Variants in AGT observed in about 807,000 individuals in gnomAD.
AGT encodes the protein alpha-1 antiproteinase, antitrypsin.
Under a neutral mutation model 28.1 loss-of-function variants are expected in AGT, and 26 were observed. That is an observed-to-expected ratio of 0.92 (90% CI 0.68 to 1.28). The LOEUF (loss-of-function observed/expected upper bound fraction) is 1.28, where lower values mean the gene tolerates loss of function less well. Ranked by LOEUF, AGT falls within the 50% of genes most tolerant of loss-of-function variation. The pLI is 0.00. For missense variants in AGT, 596 were observed against 592.3 expected (o/e 1.01, Z -0.06); for synonymous variants, 259 against 259.6 (o/e 1.00, Z 0.02).
intron 1 of AGT, among the ~76,000 whole-genome samples, chr1:230,729,050 A>T (rs1257021152): frequency 6.6e-6 from 1 of 152,202 alleles, no homozygotes. Flanking sequence ...CCATGCAGTT[A>T]ACTCAGTCAG....
At chr1:230,736,247 G>A (rs1358309946) in intron 1 of AGT, among the ~76,000 whole-genome samples, 1 of 151,934 alleles carries the variant, frequency 6.6e-6, no homozygotes, top group Non-Finnish European at 1.5e-5. Context: ...ATTTCAGCTG[G>A]GCGCGGTGGC....
chr1:230,713,512 T>C (rs190601005), intron 1 of AGT, among the ~76,000 whole-genome samples: 82 of 152,352 alleles, frequency 5.4e-4, no homozygotes, highest in African/African-American at 1.9e-3. Flanking sequence ...ACTTTCATGT[T>C]ATATTAGTTC....
At chr1:230,706,667 G>A (rs1483060815) in intron 2 of AGT, among the ~76,000 whole-genome samples, 1 of 152,038 alleles carries the variant, frequency 6.6e-6, no homozygotes, top group Non-Finnish European at 1.5e-5. Flanking sequence ...TATAACTCTT[G>A]TCCCCCACTA....
At chr1:230,739,886 T>C (rs1440227675) in intron 1 of AGT, among the ~76,000 whole-genome samples, 3 of 152,186 alleles carry the variant, frequency 2.0e-5, no homozygotes, top group Non-Finnish European at 2.9e-5. Context: ...AGAGGGTTCT[T>C]GGACCTCACG....
chr1:230,726,970 G>A (rs12038690), intron 1 of AGT, among the ~76,000 whole-genome samples: 24,687 of 152,130 alleles, frequency 0.16, 2,642 homozygotes, highest in East Asian at 0.49. Flanking sequence ...TAAAATACTG[G>A]AAGTTCTCCC....
chr1:230,738,666 A>G (rs932271357), intron 1 of AGT, among the ~76,000 whole-genome samples: 10 of 152,336 alleles, frequency 6.6e-5, no homozygotes, highest in African/African-American at 2.2e-4. Flanking sequence ...GGGGGAGGAT[A>G]CGTCATTTAT....
intron 1 of AGT, among the ~76,000 whole-genome samples, chr1:230,729,923 A>G (rs1664020109): frequency 6.6e-6 from 1 of 151,930 alleles, no homozygotes; most frequent in Admixed American, 6.5e-5. Context: ...GCACTTTGGG[A>G]GGCCGAGGCA....
intron 1 of AGT, among the ~76,000 whole-genome samples, chr1:230,711,139 T>C (rs956646317): frequency 2.6e-5 from 4 of 152,126 alleles, no homozygotes; most frequent in African/African-American, 9.7e-5. Context: ...ATGTGACCAT[T>C]ATTTGGAGAC....
rs3789672 is a variant in AGT, at chr1:230,708,242, T to G, written c.829+1753A>C. On this transcript the variant is annotated intron_variant, in intron 2 of 4. Coordinates refer to ENST00000366667, the MANE Select transcript of AGT (RefSeq NM_001384479.1). ...TTGGCTTTTTTATTCTTCCTCCTCT[T>G]CCTCCTGGCCTGGCTCTGCGGTCTG... is the stretch of plus-strand genomic sequence containing the variant. Among the ~76,000 whole-genome samples the G allele has an allele frequency of 1.2e-4, 18 of 152,266 alleles. No individual in the cohort carries two copies. The East Asian group carries it at 3.5e-3, about 29-fold the overall frequency.
rs113230301 is a variant in AGT, at chr1:230,740,233, G to A, written c.-31+5282C>T. 1.6e-3 allele frequency among the ~76,000 whole-genome samples: 249 copies of A among 152,314 alleles called. 3 individuals are homozygous for A. The highest frequency in any genetic ancestry group is 5.8e-3 in the African/African-American group (242 of 41,582). ...TTAGTGTATAATGAGCAGTGAGGACGAACAGAGGTCACTTTCATCGCCATC... is the reference window on the plus strand; with the variant it reads ...TTAGTGTATAATGAGCAGTGAGGACAAACAGAGGTCACTTTCATCGCCATC... On this transcript the variant is annotated intron_variant, in intron 1 of 4. Transcript: ENST00000681269.
intron 2 of AGT, among the ~76,000 whole-genome samples, chr1:230,706,735 C>T (rs1030971815): frequency 3.3e-5 from 5 of 152,234 alleles, no homozygotes; most frequent in East Asian, 1.9e-4. Flanking sequence ...TTGCAACTGA[C>T]GAACCTACAC....
chr1:230,741,100 C>T (rs1664243038), intron 1 of AGT, among the ~76,000 whole-genome samples: 1 of 152,120 alleles, frequency 6.6e-6, no homozygotes, highest in African/African-American at 2.4e-5. Context: ...AGGTCAAACT[C>T]CAGGGAAAGA....
intron 1 of AGT, among the ~76,000 whole-genome samples, chr1:230,733,726 T>C (rs1664107252): frequency 6.6e-6 from 1 of 152,184 alleles, no homozygotes; most frequent in Admixed American, 6.5e-5. Flanking sequence ...TACAAATGGA[T>C]TTCCACAACT....
chr1:230,704,096 C>G (rs61751069), intron 4 of AGT, 97 bp downstream of exon 4: 1 of 1,587,026 alleles, frequency 6.3e-7, no homozygotes, highest in South Asian at 1.1e-5. Flanking sequence ...GCCCTGCTGG[C>G]CCCACCCATA....
intron 2 of AGT, 53 bp from the exon 3 acceptor site, chr1:230,706,253 G>A (rs2102787282): frequency 1.3e-6 from 2 of 1,594,734 alleles, no homozygotes; most frequent in Admixed American, 3.4e-5. Flanking sequence ...ACAGGGGCAG[G>A]AATGAGGGCT....
chr1:230,734,161 TAGAA>T (rs532932007), intron 1 of AGT, among the ~76,000 whole-genome samples: 4 of 152,208 alleles, frequency 2.6e-5, no homozygotes, highest in South Asian at 4.1e-4. Flanking sequence ...AACAGATAAA[TAGAA>T]AGACAAAATA....
intron 1 of AGT, among the ~76,000 whole-genome samples, chr1:230,744,157 C>A (rs1664299892): frequency 6.6e-6 from 1 of 152,206 alleles, no homozygotes; most frequent in South Asian, 2.1e-4. Context: ...CCACTCAGGG[C>A]ATTTCCCAGT....
At chr1:230,717,115 T>G (rs974367666), upstream of AGT, among the ~76,000 whole-genome samples, 4 of 144,480 alleles carry the variant, frequency 2.8e-5, no homozygotes, top group African/African-American at 1.0e-4. Context: ...AGCTCCAGGT[T>G]GGGTCAAAGT....
chr1:230,712,793 G>A (rs887544060), intron 1 of AGT, among the ~76,000 whole-genome samples: 2 of 152,172 alleles, frequency 1.3e-5, no homozygotes, highest in Non-Finnish European at 2.9e-5. Flanking sequence ...AGGTCTGCAC[G>A]CAGCCGCGTC....
Sources: allele counts gnomAD v4.1 joint callset (sites outside exome capture counted in the v4.1 genomes callset), GRCh38; gene constraint gnomAD v4.1.1; transcripts MANE v1.5; gene names NCBI Gene and HGNC (gene_info 2026-07-23, HGNC 2026-07-21).